NUFIP2: variants seen among roughly 807,000 people sequenced by gnomAD.
The protein encoded by NUFIP2 is FMR1-interacting protein NUFIP2.
Under a neutral mutation model 56.9 loss-of-function variants are expected in NUFIP2, and 6 were observed. The ratio of observed to expected loss-of-function variants is 0.11; its 90% CI spans 0.06 to 0.21. The LOEUF (loss-of-function observed/expected upper bound fraction) is 0.21, where lower values mean the gene tolerates loss of function less well. Among genes scored for constraint, NUFIP2 ranks in the 10% least tolerant of loss-of-function variants. NUFIP2 has a pLI of 1.00. For missense variants in NUFIP2, 828 were observed against 826.8 expected (o/e 1.00, Z -0.02); for synonymous variants, 321 against 298.2 (o/e 1.08, Z -0.79).
At chr17:29,288,493 T>C (rs1848909635) in intron 1 of NUFIP2, among the ~76,000 whole-genome samples, 1 of 152,260 alleles carries the variant, frequency 6.6e-6, no homozygotes, top group African/African-American at 2.4e-5. Flanking sequence ...CCAAGGCATC[T>C]ATCAGACAAA....
intron 1 of NUFIP2, 130 bp downstream of exon 1, chr17:29,293,653 T>G (rs2069232483): frequency 5.1e-6 from 5 of 974,340 alleles, no homozygotes; most frequent in Non-Finnish European, 5.8e-6. Context: ...GAAAGGGGCA[T>G]CCCCAGAGCC....
At chr17:29,292,491 C>A (rs893539599) in intron 1 of NUFIP2, among the ~76,000 whole-genome samples, 4 of 151,508 alleles carry the variant, frequency 2.6e-5, no homozygotes, top group Non-Finnish European at 5.9e-5. Context: ...GTGAGCGAAC[C>A]TGGCAGGAGA....
At chr17:29,273,497 TACACACAC>T (rs61077728) in intron 2 of NUFIP2, among the ~76,000 whole-genome samples, 7,532 of 149,038 alleles carry the variant, frequency 0.051, 239 homozygotes, top group South Asian at 0.15. Context: ...TGCTCTCTTC[TACACACAC>T]ACACACACAC....
At chr17:29,288,534 A>G (rs1455130056) in intron 1 of NUFIP2, among the ~76,000 whole-genome samples, 1 of 152,266 alleles carries the variant, frequency 6.6e-6, no homozygotes, top group African/African-American at 2.4e-5. Flanking sequence ...TTTCTAAAGT[A>G]TTCTTAAATT....
intron 2 of NUFIP2, among the ~76,000 whole-genome samples, chr17:29,279,228 A>C (rs529392687): frequency 7.2e-5 from 11 of 152,348 alleles, no homozygotes; most frequent in African/African-American, 2.6e-4. Context: ...CTGTACACCT[A>C]GTCCTTGTCA....
chr17:29,272,825 C>A (rs187750864), intron 2 of NUFIP2, among the ~76,000 whole-genome samples: 2 of 151,708 alleles, frequency 1.3e-5, no homozygotes, highest in Admixed American at 1.3e-4. Flanking sequence ...GGATGGTCAA[C>A]CTCAGTAACT....
At chr17:29,278,407 C>A (rs986308801) in intron 2 of NUFIP2, among the ~76,000 whole-genome samples, 3 of 151,874 alleles carry the variant, frequency 2.0e-5, no homozygotes, top group Admixed American at 6.6e-5. Context: ...CCACTGCGCC[C>A]GGCTAATTTT....
At chr17:29,285,968 T>C in intron 2 of NUFIP2, 24 bp downstream of exon 2, 1 of 1,555,912 alleles carries the variant, frequency 6.4e-7, no homozygotes, top group South Asian at 1.2e-5. Context: ...ATAAAAATCT[T>C]TGTATAGGAA....
At chr17:29,283,907 T>C (rs2069154973) in intron 2 of NUFIP2, among the ~76,000 whole-genome samples, 1 of 152,186 alleles carries the variant, frequency 6.6e-6, no homozygotes, top group East Asian at 1.9e-4. Flanking sequence ...ATTCCTAAAC[T>C]TCCATTAAGC....
At chr17:29,292,365 G>A (rs1203488602) in intron 1 of NUFIP2, among the ~76,000 whole-genome samples, 2 of 151,176 alleles carry the variant, frequency 1.3e-5, no homozygotes, top group East Asian at 3.9e-4. Flanking sequence ...AAGCTCAGAA[G>A]GTAAGTGCTG....
intron 2 of NUFIP2, among the ~76,000 whole-genome samples, chr17:29,276,746 TG>T (rs2069110720): frequency 6.6e-6 from 1 of 152,202 alleles, no homozygotes; most frequent in Admixed American, 6.5e-5. Flanking sequence ...TCACAGGGCT[TG>T]GTGCAGTAAG....
chr17:29,286,721 C>G lies in NUFIP2; in HGVS notation c.1273G>C (p.Gly425Arg). 6.2e-7 allele frequency: 1 copy of G among 1,614,080 alleles called. No homozygotes were observed. The highest frequency in any genetic ancestry group is 1.3e-5 in the African/African-American group (1 of 75,036). The change falls in exon 2 of 4, where the codon GGA becomes CGA. Residue 425 changes from glycine (G) to arginine (R), a missense_variant. Around this residue, in one of 3 missense-constraint regions of NUFIP2, gnomAD observed 404 missense variants for 380.3 expected, o/e 1.06. Coordinates refer to ENST00000225388, the MANE Select transcript of NUFIP2 (RefSeq NM_020772.3). Reference protein sequence around the residue: ...SNGPVLAGTDGNVYPPGGQPL... With the variant: ...SNGPVLAGTDRNVYPPGGQPL... ...TGACCCCCTGGAGGATAAACATTTC[C>G]ATCAGTCCCTGCTAAAACAGGCCCA...
chr17:29,259,014 TCATA>T lies in NUFIP2; in HGVS notation c.*5521_*5524del, dbSNP rs1481247003. On this transcript the variant is annotated 3_prime_UTR_variant, in exon 4 of 4. Transcript: ENST00000225388. ...AACAGGGTAAACTAAAGGCATTCAT[TCATA>T]TTTACATATTAAAACCACTTTTGTT... The T allele has an allele frequency of 1.3e-5, 2 of 152,238 alleles. No homozygotes were observed. The highest frequency in any genetic ancestry group is 2.9e-5 in the Non-Finnish European group (2 of 68,040). The allele number at this position is 152,238 out of a possible 1,614,324, so 9.4% of individuals were successfully genotyped here.
In NUFIP2 at chr17:29,256,836, T is replaced by A. The variant is rs2068974116; in HGVS notation, c.*7703A>T. The A allele has an allele frequency of 6.6e-6, 1 of 152,198 alleles. No individual in the cohort carries two copies. The highest frequency in any genetic ancestry group is 1.5e-5 in the Non-Finnish European group (1 of 68,042). The allele number at this position is 152,198 out of a possible 1,614,324, so 9.4% of individuals were successfully genotyped here. On this transcript the variant is annotated 3_prime_UTR_variant, in exon 4 of 4. Transcript: ENST00000225388. ...GTTCTAATCAGCTTGGGCAATTTTT[T>A]AAAAGATACACGTTATCTTTAAAAC... is the stretch of plus-strand genomic sequence containing the variant.
chr17:29,294,004 G>T lies in NUFIP2; in HGVS notation c.56C>A (p.Pro19Gln). 6.2e-7 allele frequency: 1 copy of T among 1,612,812 alleles called. No individual in the cohort carries two copies. Among genetic ancestry groups the T allele is most frequent in the Non-Finnish European group, 8.5e-7 (1 of 1,179,240 alleles). Residue 19 changes from proline (P) to glutamine (Q), a missense_variant, in exon 1 of 4, where the codon CCG becomes CAG. Physicochemically the swap from Pro to Gln is moderately conservative, Grantham distance 76. Transcript: ENST00000225388. ...QPQHHHSHHHPHHHPQQQQQQ... is the reference protein window; with the variant it reads ...QPQHHHSHHHQHHHPQQQQQQ... ...CTGCTGCTGCTGAGGGTGATGGTGCGGATGGTGGTGGCTGTGATGGTGCTG... is the reference window on the plus strand; with the variant it reads ...CTGCTGCTGCTGAGGGTGATGGTGCTGATGGTGGTGGCTGTGATGGTGCTG...
At chr17:29,270,290 A>G (rs1390609344) in intron 2 of NUFIP2, among the ~76,000 whole-genome samples, 1 of 151,508 alleles carries the variant, frequency 6.6e-6, no homozygotes, top group Admixed American at 6.6e-5. Context: ...TGAGAGGTCT[A>G]AAAAGGGGAG....
At chr17:29,273,015 A>AAT (rs3085674) in intron 2 of NUFIP2, among the ~76,000 whole-genome samples, 34,069 of 144,670 alleles carry the variant, frequency 0.24, 4,413 homozygotes, top group Non-Finnish European at 0.3. Context: ...AGGCCCAGCT[A>AAT]ATATATATAT....
Position 29,258,038 on chromosome 17 carries a change from A to T in NUFIP2, c.*6501T>A, listed in dbSNP as rs190172020. The T allele has an allele frequency of 1.4e-4, 21 of 152,318 alleles. No individual in the cohort carries two copies. The highest frequency in any genetic ancestry group is 8.5e-4 in the Admixed American group (13 of 15,302). The allele number at this position is 152,318 out of a possible 1,614,324, so 9.4% of individuals were successfully genotyped here. On this transcript the variant is annotated 3_prime_UTR_variant, in exon 4 of 4. Transcript: ENST00000225388. Reference sequence around the variant, plus strand: ...AGTGAGGTGGTAAGAACCATCGACTATCTCAGGCATTACTACATGGCGTTT... The same window carrying T: ...AGTGAGGTGGTAAGAACCATCGACTTTCTCAGGCATTACTACATGGCGTTT...
At chr17:29,275,724 C>T (rs972404893) in intron 2 of NUFIP2, among the ~76,000 whole-genome samples, 4 of 152,022 alleles carry the variant, frequency 2.6e-5, no homozygotes, top group Non-Finnish European at 5.9e-5. Context: ...CCATTCTTTT[C>T]CTTTAAAAAT....
Sources: gnomAD v4.1 joint callset for allele counts (sites outside exome capture counted in the v4.1 genomes callset) on GRCh38, gnomAD v4.1.1 for gene constraint, gnomAD v4.1.1 regional missense constraint, MANE v1.5 for transcripts, NCBI Gene and HGNC (gene_info 2026-07-23, HGNC 2026-07-21) for gene names.